The following PRCD variants were observed in gnomAD, a reference collection of about 807,000 sequenced individuals.
PRCD encodes photoreceptor disk component PRCD.
In PRCD, 12 loss-of-function variants were observed where a neutral mutation model predicts 10.1. The observed-to-expected ratio is 1.18, with a 90% CI of 0.76 to 1.92. PRCD has a LOEUF of 1.92. Among genes scored for constraint, PRCD ranks in the 40% most tolerant of loss-of-function variants. The probability of loss-of-function intolerance (pLI) is 0.00; values close to 1 mark genes in which losing one functional copy is unlikely to be tolerated. For synonymous variants in PRCD, 31 were observed against 26.2 expected, an observed-to-expected ratio of 1.18 and a Z score of -0.56; for missense variants, 61 against 72.2, an observed-to-expected ratio of 0.84 and a Z score of 0.56.
At chr17:76,527,664 A>C (rs2074783379), upstream of PRCD, 1 of 453,790 alleles carries the variant, frequency 2.2e-6, no homozygotes, top group Non-Finnish European at 4.4e-6. Context: ...GGTGAGACCC[A>C]GGCATGTGGT....
At chr17:76,545,709 T>C (rs1217966264), downstream of PRCD, 4 of 274,334 alleles carry the variant, frequency 1.5e-5, no homozygotes, top group Non-Finnish European at 2.9e-5. Context: ...ATCTGTCTCT[T>C]AGAGTTGTAA....
chr17:76,547,044 C>T (rs2075059620), downstream of PRCD: 3 of 152,250 alleles, frequency 2.0e-5, no homozygotes, highest in Admixed American at 6.5e-5. Flanking sequence ...TGTGGTCCCG[C>T]CCAGCCTGCC....
In PRCD at chr17:76,544,199, G is replaced by A. The variant is rs937220356; in HGVS notation, c.*549G>A. The A allele has an allele frequency of 1.3e-5, 6 of 454,488 alleles. No individual in the cohort carries two copies. The Middle Eastern group carries it at 2.8e-3, about 210-fold the overall frequency. 28.2% of individuals were successfully genotyped at this position (454,488 alleles called of 1,614,324 possible). ...AGCTATTAGTCTTCAAAAACCCCCC[G>A]TGCCTCTGTGCACACGCGTCTCTCC... On this transcript the variant is annotated 3_prime_UTR_variant, in exon 5 of 5. Transcript: ENST00000592014.
At chr17:76,534,347 T>G (rs2074890506) in intron 1 of PRCD, among the ~76,000 whole-genome samples, 1 of 152,032 alleles carries the variant, frequency 6.6e-6, no homozygotes. Flanking sequence ...CCCGGCTAAT[T>G]TTTGTGTTTT....
upstream of PRCD, among the ~76,000 whole-genome samples, chr17:76,536,418 G>T (rs2074914595): frequency 6.6e-6 from 1 of 152,158 alleles, no homozygotes; most frequent in South Asian, 2.1e-4. Flanking sequence ...CTCTGTCCTA[G>T]ATTTGACCGC....
chr17:76,552,584 C>T (rs2075117980), intron 1 of PRCD, among the ~76,000 whole-genome samples: 1 of 151,850 alleles, frequency 6.6e-6, no homozygotes, highest in Non-Finnish European at 1.5e-5. Flanking sequence ...GAAAATGCGA[C>T]CAGCTGTGAT....
upstream of PRCD, among the ~76,000 whole-genome samples, chr17:76,537,053 C>T (rs896795158): frequency 6.6e-6 from 1 of 152,218 alleles, no homozygotes; most frequent in Admixed American, 6.5e-5. Context: ...CCCTGCTATA[C>T]TACCTTTGAA....
At chr17:76,534,659 C>T (rs900072002) in intron 1 of PRCD, among the ~76,000 whole-genome samples, 1 of 152,216 alleles carries the variant, frequency 6.6e-6, no homozygotes, top group South Asian at 2.1e-4. Flanking sequence ...TCCAAGATTG[C>T]CCAACAAAGT....
chr17:76,540,609 C>G lies in PRCD; in HGVS notation c.143+36C>G, dbSNP rs771924891. 1 of 1,599,916 alleles carries G rather than the reference C, an allele frequency of 6.3e-7. No homozygotes were observed. The highest frequency in any genetic ancestry group is 1.3e-5 in the African/African-American group (1 of 74,788). ...AGTCTGGGCTGGGGGAGGGAGGGTG[C>G]TGCCAAGGAAGCTGTGGCTGTGCAT... On this transcript the variant is annotated intron_variant, in intron 2 of 4. Coordinates refer to ENST00000592014, the MANE Select transcript of PRCD (RefSeq NM_001077620.3). This position sits in a 1 kb window ranked among gnomAD's most constrained non-coding sequence, Gnocchi z 5.0.
chr17:76,536,205 G>A (rs996807533), upstream of PRCD, among the ~76,000 whole-genome samples: 1 of 152,212 alleles, frequency 6.6e-6, no homozygotes, highest in Non-Finnish European at 1.5e-5. Context: ...CTCCTTAGAA[G>A]TGCTTCCTGC....
chr17:76,542,235 T>C (rs1598213265), intron 2 of PRCD, among the ~76,000 whole-genome samples: 1 of 152,140 alleles, frequency 6.6e-6, no homozygotes, highest in East Asian at 1.9e-4. Context: ...CTGAGGACCA[T>C]CTGGCCAGGC....
chr17:76,546,683 A>G (rs1378828129), downstream of PRCD: 5 of 152,244 alleles, frequency 3.3e-5, no homozygotes, highest in Non-Finnish European at 7.3e-5. This position sits in a 1 kb window ranked among gnomAD's most constrained non-coding sequence, Gnocchi z 4.5. Context: ...TGTGAACCTC[A>G]GAAGAACAGT....
chr17:76,544,907 C>G lies in PRCD; in HGVS notation c.*1257C>G. Reference sequence around the variant, plus strand: ...GGCAGCGCCCCTCCACGCCACTGTTCCGAGAACCTGCGCAGGAGGTGGTGG... The same window carrying G: ...GGCAGCGCCCCTCCACGCCACTGTTGCGAGAACCTGCGCAGGAGGTGGTGG... On this transcript the variant is annotated 3_prime_UTR_variant, in exon 5 of 5. Coordinates refer to ENST00000592014, the MANE Select transcript of PRCD (RefSeq NM_001077620.3). The G allele has an allele frequency of 4.4e-6, 2 of 456,790 alleles. No homozygotes were observed. Among genetic ancestry groups the G allele is most frequent in the South Asian group, 1.5e-5 (1 of 64,576 alleles). 28.3% of individuals were successfully genotyped at this position (456,790 alleles called of 1,614,324 possible).
Position 76,531,385 on chromosome 17 carries a change from G to C in PRCD, n.45+3552G>C. 6.6e-7 allele frequency: 1 copy of C among 1,525,644 alleles called. No individual in the cohort carries two copies. The highest frequency in any genetic ancestry group is 8.9e-7 in the Non-Finnish European group (1 of 1,117,428). The allele number at this position is 1,525,644 out of a possible 1,614,324, so 94.5% of individuals were successfully genotyped here. On this transcript the variant is annotated intron_variant and non_coding_transcript_variant, in intron 1 of 4. Coordinates refer to the PRCD transcript ENST00000397633. This position sits in a 1 kb window ranked among gnomAD's most constrained non-coding sequence, Gnocchi z 7.4. ...ATCACCTCTGTTGCTCCAGAGAGCC[G>C]TCGCAGAGCCTGCGAGCTGCAGATG...
At chr17:76,542,943 C>G (rs3803740) in intron 3 of PRCD, 86 bp from the exon 4 acceptor site, 1 of 535,398 alleles carries the variant, frequency 1.9e-6, no homozygotes. Context: ...AAGGGAGAGG[C>G]GGTGCTCGGA....
chr17:76,544,272 C>CT lies in PRCD; in HGVS notation c.*623dup, dbSNP rs1179030507. On this transcript the variant is annotated 3_prime_UTR_variant, in exon 5 of 5. Transcript: ENST00000592014. The stretch of plus-strand genomic sequence containing the variant: ...GCCCAGCGGCGATGTCTCTGCCTGG[C>CT]TGGCCCGTGCCCTTGACTTCCAGGC... The CT allele has an allele frequency of 4.4e-6, 2 of 454,542 alleles. No individual in the cohort carries two copies. Among genetic ancestry groups the CT allele is most frequent in the South Asian group, 3.1e-5 (2 of 64,472 alleles). The allele number at this position is 454,542 out of a possible 1,614,324, so 28.2% of individuals were successfully genotyped here. A position where few individuals can be genotyped will look rare whatever the true frequency, so the allele number is the denominator to read the frequency against.
rs552556202 is a variant in PRCD at position 76,528,780 on chromosome 17, C to T, written n.45+947C>T. 2.8e-3 allele frequency: 2,828 copies of T among 1,012,034 alleles called. 8 individuals carry two copies. The highest frequency in any genetic ancestry group is 3.4e-3 in the Non-Finnish European group (2,648 of 781,736). The allele number at this position is 1,012,034 out of a possible 1,614,324, so 62.7% of individuals were successfully genotyped here. On this transcript the variant is annotated intron_variant and non_coding_transcript_variant, in intron 1 of 4. Transcript: ENST00000397633. This position sits in a 1 kb window ranked among gnomAD's most constrained non-coding sequence, Gnocchi z 5.8. Reference sequence around the variant, plus strand: ...CCAAGTTCTAGTCTCCGTCCTGCTACGAACGTGCTGTGTGATCTCAGGCAA... The same window carrying T: ...CCAAGTTCTAGTCTCCGTCCTGCTATGAACGTGCTGTGTGATCTCAGGCAA...
At chr17:76,532,433 C>A (rs1005967634) in intron 1 of PRCD, among the ~76,000 whole-genome samples, 4 of 152,178 alleles carry the variant, frequency 2.6e-5, no homozygotes, top group Non-Finnish European at 5.9e-5. Context: ...ACCTTCCCTG[C>A]CCTCCTTCCA....
Position 76,542,572 on chromosome 17 carries a change from T to C in PRCD, c.163T>C (p.Ter55GlnextTer49). Reference protein sequence around the residue: ...SSGREKEPLK* With the variant: ...SSGREKEPLKQ ...GTTTAGGGAGAAAGAACCTCTGAAG[T>C]AAGCCCTCACCTCTGCAGGTGGGGC... Residue 55 changes from the stop codon to glutamine (Q), a stop_lost, in exon 3 of 5, where the codon TAA (stop) becomes CAA (glutamine). Transcript: ENST00000592014. 6.2e-7 allele frequency: 1 copy of C among 1,614,178 alleles called. No homozygotes were observed. Among genetic ancestry groups the C allele is most frequent in the Non-Finnish European group, 8.5e-7 (1 of 1,180,014 alleles).
Sources: gnomAD v4.1 joint callset for allele counts (sites outside exome capture counted in the v4.1 genomes callset) on GRCh38, gnomAD v4.1.1 for gene constraint, Gnocchi (gnomAD v3.1) non-coding constraint, MANE v1.5 for transcripts, NCBI Gene and HGNC (gene_info 2026-07-23, HGNC 2026-07-21) for gene names.